The following IGSF10 variants were observed in gnomAD, a reference collection of about 807,000 sequenced individuals.
IGSF10 encodes the protein calvaria mechanical force protein 608.
IGSF10 carries 126 observed loss-of-function variants against 128.2 expected under a neutral mutation model. The observed-to-expected ratio is 0.98, with a 90% CI of 0.85 to 1.14. The LOEUF (loss-of-function observed/expected upper bound fraction) is 1.14. Ranked by LOEUF, IGSF10 falls within the 50% of genes most tolerant of loss-of-function variation. The probability of loss-of-function intolerance (pLI) is 0.00; values close to 1 mark genes in which losing one functional copy is unlikely to be tolerated. For missense variants in IGSF10, 3,295 were observed against 3,149.8 expected (o/e 1.05, Z -1.10); for synonymous variants, 1,185 against 1,146.2 (o/e 1.03, Z -0.68).
At chr3:151,444,820 G>A in intron 6 of IGSF10, 99 bp downstream of exon 6, 1 of 1,154,576 alleles carries the variant, frequency 8.7e-7, no homozygotes, top group Non-Finnish European at 1.2e-6. Context: ...AGAAAAATTT[G>A]AAACTGATAC....
At chr3:151,485,483 C>T in the IGSF10 span, among the ~76,000 whole-genome samples, 12 of 152,132 alleles carry the variant, frequency 7.9e-5, no homozygotes, top group South Asian at 2.5e-3. Flanking sequence ...AAGAACAACC[C>T]CAAGACACAT....
chr3:151,588,100 G>A, the IGSF10 span, among the ~76,000 whole-genome samples: 110,891 of 152,104 alleles, frequency 0.73, 40,558 homozygotes, highest in African/African-American at 0.79. Flanking sequence ...GTCAATATAA[G>A]CTAATTTTTG....
the IGSF10 span, among the ~76,000 whole-genome samples, chr3:151,521,314 C>T: frequency 6.6e-6 from 1 of 151,536 alleles, no homozygotes; most frequent in East Asian, 1.9e-4. Flanking sequence ...ATCACCGAGT[C>T]AGAAAATTCA....
chr3:151,516,914 A>G, the IGSF10 span, among the ~76,000 whole-genome samples: 2 of 152,036 alleles, frequency 1.3e-5, no homozygotes, highest in Non-Finnish European at 2.9e-5. Flanking sequence ...TTGTTGACAG[A>G]GAGGGTGTTT....
chr3:151,443,436 GACTTGTATTTTAACC>G lies in IGSF10; in HGVS notation c.5496_5510del (p.Val1833_Val1837del). ...CTAGAATAACAGGTGGTGCTGCAAT[GACTTGTATTTTAACC>G]AGCAGTGAATCCTGGCCACCTGGGT... is the stretch of plus-strand genomic sequence containing the variant. On this transcript the variant is annotated inframe_deletion, in exon 7 of 8. Transcript: ENST00000282466. The G allele has an allele frequency of 6.2e-7, 1 of 1,614,178 alleles. No homozygotes were observed. Among genetic ancestry groups the G allele is most frequent in the Non-Finnish European group, 8.5e-7 (1 of 1,180,028 alleles).
chr3:151,611,834 T>C, the IGSF10 span, among the ~76,000 whole-genome samples: 1 of 152,236 alleles, frequency 6.6e-6, no homozygotes, highest in African/African-American at 2.4e-5. Flanking sequence ...TAAGATTTAT[T>C]ACTTGGAAAC....
rs917938773 is a variant in IGSF10 at position 151,461,039 on chromosome 3, C to G, written c.-182G>C. 3 of 985,364 alleles carry G rather than the reference C, an allele frequency of 3.0e-6. No individual in the cohort carries two copies. Among genetic ancestry groups the G allele is most frequent in the Non-Finnish European group, 2.4e-6 (2 of 829,910 alleles). 61.0% of individuals were successfully genotyped at this position (985,364 alleles called of 1,614,324 possible). On this transcript the variant is annotated 5_prime_UTR_variant, in exon 1 of 8. Coordinates refer to ENST00000282466, the MANE Select transcript of IGSF10 (RefSeq NM_178822.5). The stretch of plus-strand genomic sequence containing the variant: ...CTGCTGGGGTCGTGCGGAGCTGGTC[C>G]GGAGCTCTGGGAGGGAAGGAAGGAA...
At chr3:151,444,249 A>C (rs542323747) in intron 6 of IGSF10, among the ~76,000 whole-genome samples, 4 of 149,296 alleles carry the variant, frequency 2.7e-5, no homozygotes, top group South Asian at 4.2e-4. Flanking sequence ...TGACAGACCA[A>C]AAAAAAAAAA....
At chr3:151,524,429 A>C in the IGSF10 span, among the ~76,000 whole-genome samples, 81 of 152,346 alleles carry the variant, frequency 5.3e-4, no homozygotes, top group African/African-American at 1.9e-3. Context: ...CATATATACC[A>C]TGGAATCCTA....
At chr3:151,523,333 A>G in the IGSF10 span, among the ~76,000 whole-genome samples, 1 of 152,166 alleles carries the variant, frequency 6.6e-6, no homozygotes, top group Non-Finnish European at 1.5e-5. Context: ...ATTCATATGG[A>G]ACAAAAAAAG....
chr3:151,473,513 G>C, the IGSF10 span, among the ~76,000 whole-genome samples: 3 of 152,172 alleles, frequency 2.0e-5, no homozygotes, highest in Non-Finnish European at 4.4e-5. Flanking sequence ...CAAGATTTGG[G>C]AATTACCTAT....
chr3:151,456,205 C>G (rs1232529065), intron 4 of IGSF10, among the ~76,000 whole-genome samples: 1 of 152,218 alleles, frequency 6.6e-6, no homozygotes, highest in Non-Finnish European at 1.5e-5. Context: ...ACATTATACT[C>G]TATTGCTCTC....
At chr3:151,455,410 G>GA (rs1245150777) in intron 4 of IGSF10, among the ~76,000 whole-genome samples, 2 of 152,010 alleles carry the variant, frequency 1.3e-5, no homozygotes, top group Non-Finnish European at 2.9e-5. Flanking sequence ...ACTGCGCCCG[G>GA]CCTAAAGTTT....
the IGSF10 span, among the ~76,000 whole-genome samples, chr3:151,509,155 T>C: frequency 2.6e-5 from 4 of 152,214 alleles, no homozygotes; most frequent in African/African-American, 9.6e-5. Flanking sequence ...TCATTTGGAC[T>C]GGGTAAGAAT....
the IGSF10 span, among the ~76,000 whole-genome samples, chr3:151,468,856 C>G: frequency 6.6e-6 from 1 of 152,128 alleles, no homozygotes; most frequent in African/African-American, 2.4e-5. Flanking sequence ...AAGTCCTGCA[C>G]CCATTAGCTA....
rs751530682 is a variant in IGSF10 at position 151,436,705 on chromosome 3, T to G, written c.7856A>C (p.Tyr2619Ser). ...TATTTCATGTCAGATTACTTGAATATACGTTGCTGCATAATCACTACCAAG... is the reference window on the plus strand; with the variant it reads ...TATTTCATGTCAGATTACTTGAATAGACGTTGCTGCATAATCACTACCAAG... The part of the protein sequence containing the change: ...NPLGSDYAAT[Y>S]IQVI Residue 2619 changes from tyrosine (Y) to serine (S), a missense_variant, in exon 8 of 8, where the codon TAT becomes TCT. Physicochemically the swap from Tyr to Ser is moderately radical, Grantham distance 144. Transcript: ENST00000282466. The G allele has an allele frequency of 1.2e-6, 2 of 1,605,160 alleles. No homozygotes were observed. Among genetic ancestry groups the G allele is most frequent in the East Asian group, 2.2e-5 (1 of 44,840 alleles).
the IGSF10 span, among the ~76,000 whole-genome samples, chr3:151,582,564 G>A: frequency 6.6e-6 from 1 of 152,026 alleles, no homozygotes; most frequent in South Asian, 2.1e-4. Context: ...TTATGCTATT[G>A]TATTTAGCTA....
rs1182205986 is a variant in IGSF10 at position 151,446,757 on chromosome 3, G to A, written c.3224C>T (p.Ala1075Val). 4 of 1,614,144 alleles carry A rather than the reference G, an allele frequency of 2.5e-6. No individual in the cohort carries two copies. Among genetic ancestry groups the A allele is most frequent in the Admixed American group, 1.7e-5 (1 of 60,030 alleles). Residue 1075 changes from alanine (A) to valine (V), a missense_variant, in exon 6 of 8, where the codon GCC becomes GTC. Coordinates refer to ENST00000282466, the MANE Select transcript of IGSF10 (RefSeq NM_178822.5). ...ACTTGGAAAAGACAATGCTGCTGTGGCAGTGGTGAGCCTCTCCCTGGGAAG... is the reference window on the plus strand; with the variant it reads ...ACTTGGAAAAGACAATGCTGCTGTGACAGTGGTGAGCCTCTCCCTGGGAAG... The part of the protein sequence containing the change: ...SCLPRERLTT[A>V]TAALSFPSAA...
At chr3:151,564,608 T>C in the IGSF10 span, among the ~76,000 whole-genome samples, 2 of 152,192 alleles carry the variant, frequency 1.3e-5, no homozygotes. Flanking sequence ...ACCTTTTAGA[T>C]GAAGTTTGTG....
Sources: allele counts gnomAD v4.1 joint callset (sites outside exome capture counted in the v4.1 genomes callset), GRCh38; gene constraint gnomAD v4.1.1; transcripts MANE v1.5; gene names NCBI Gene and HGNC (gene_info 2026-07-23, HGNC 2026-07-21).